The following MED13 variants were observed in gnomAD, a reference collection of about 807,000 sequenced individuals.
MED13 encodes the protein mediator complex subunit 13.
In MED13, 23 loss-of-function variants were observed where a neutral mutation model predicts 225.2. That is an observed-to-expected ratio of 0.10 (90% CI 0.07 to 0.14). The LOEUF (loss-of-function observed/expected upper bound fraction) is 0.14. Ranked by LOEUF, MED13 falls within the 10% of genes least tolerant of loss-of-function variation. The pLI is 1.00. For missense variants in MED13, 2,197 were observed against 2,594.5 expected (o/e 0.85, Z 3.33); for synonymous variants, 942 against 889.2 (o/e 1.06, Z -1.06).
chr17:61,966,886 C>G (rs2143381359), intron 18 of MED13, among the ~76,000 whole-genome samples: 1 of 151,182 alleles, frequency 6.6e-6, no homozygotes, highest in South Asian at 2.1e-4. Context: ...AATTTTTTTT[C>G]AAAATTAAAA....
intron 2 of MED13, among the ~76,000 whole-genome samples, chr17:62,054,414 A>G (rs1020005997): frequency 2.0e-5 from 3 of 152,260 alleles, no homozygotes; most frequent in African/African-American, 7.2e-5. Context: ...GTCTAATATT[A>G]ATCATAAATA....
chr17:61,978,881 C>T (rs1163705276), intron 16 of MED13, among the ~76,000 whole-genome samples: 2 of 152,118 alleles, frequency 1.3e-5, no homozygotes, highest in African/African-American at 4.8e-5. Context: ...AACTTAATCA[C>T]TGGTCCATGT....
chr17:62,016,896 A>C (rs889805625), intron 8 of MED13, among the ~76,000 whole-genome samples: 1 of 151,742 alleles, frequency 6.6e-6, no homozygotes, highest in Non-Finnish European at 1.5e-5. Context: ...TGTAATCCCA[A>C]CTACTCAGGA....
At chr17:61,990,417 G>T (rs2080285733) in intron 11 of MED13, among the ~76,000 whole-genome samples, 1 of 151,918 alleles carries the variant, frequency 6.6e-6, no homozygotes. Context: ...GTTACAATAG[G>T]AGACTAACAA....
chr17:61,993,501 C>T (rs959870964), intron 10 of MED13, among the ~76,000 whole-genome samples: 1 of 151,914 alleles, frequency 6.6e-6, no homozygotes, highest in African/African-American at 2.4e-5. Context: ...AGCACCCAGC[C>T]GGTTCACGTT....
chr17:61,967,321 G>A (rs190920733), intron 18 of MED13, among the ~76,000 whole-genome samples: 7 of 152,150 alleles, frequency 4.6e-5, no homozygotes, highest in East Asian at 1.9e-4. Context: ...GGATTTTACC[G>A]GACTGATATT....
chr17:62,030,202 A>C (rs1047654052), intron 6 of MED13, 189 bp from the exon 7 acceptor site: 16 of 534,934 alleles, frequency 3.0e-5, no homozygotes, highest in Admixed American at 1.4e-4. Context: ...AATCAAGTAC[A>C]TCTCTGTAAC....
chr17:61,984,120 A>T, intron 15 of MED13, 51 bp downstream of exon 15: 2 of 1,286,948 alleles, frequency 1.6e-6, no homozygotes, highest in Non-Finnish European at 2.0e-6. Flanking sequence ...ATGAAAAAAA[A>T]ATTAAAGCTG....
intron 9 of MED13, among the ~76,000 whole-genome samples, chr17:61,998,113 ATTG>A (rs1261412331): frequency 7.2e-5 from 11 of 152,352 alleles, no homozygotes; most frequent in Admixed American, 2.0e-4. Flanking sequence ...AGAATTAAAA[ATTG>A]TTACTTTTAA....
At chr17:61,983,970 C>T (rs149533868) in intron 15 of MED13, among the ~76,000 whole-genome samples, 3 of 152,110 alleles carry the variant, frequency 2.0e-5, no homozygotes, top group African/African-American at 4.8e-5. Flanking sequence ...TCAAGGGATA[C>T]GCCTGCCTTG....
At chr17:62,002,310 C>T (rs2080402674) in intron 9 of MED13, among the ~76,000 whole-genome samples, 1 of 151,840 alleles carries the variant, frequency 6.6e-6, no homozygotes, top group Non-Finnish European at 1.5e-5. Flanking sequence ...GCCAACATGG[C>T]GAAACCCGTC....
chr17:61,956,775 G>A (rs536447959), intron 23 of MED13, among the ~76,000 whole-genome samples: 29 of 152,050 alleles, frequency 1.9e-4, no homozygotes, highest in Non-Finnish European at 3.4e-4. Flanking sequence ...TCCTGACCTC[G>A]TGATCTGCCT....
chr17:61,980,545 G>A (rs1426573150), intron 16 of MED13, among the ~76,000 whole-genome samples: 2 of 152,118 alleles, frequency 1.3e-5, no homozygotes, highest in Admixed American at 6.6e-5. Context: ...TATTATTGAT[G>A]CCTCATCTTT....
At chr17:62,031,881 G>A (rs2080760826) in intron 5 of MED13, among the ~76,000 whole-genome samples, 1 of 150,606 alleles carries the variant, frequency 6.6e-6, no homozygotes. Context: ...AGAGAGATTT[G>A]GAAAAAGGCA....
chr17:62,027,176 C>T (rs922000570), intron 8 of MED13, among the ~76,000 whole-genome samples: 6 of 152,152 alleles, frequency 3.9e-5, no homozygotes, highest in African/African-American at 1.4e-4. Context: ...TGTTACCTGG[C>T]TTAAACAATA....
At position 61,946,464 on chromosome 17, in the gene MED13, A is replaced by C; in HGVS notation, c.*4T>G. ...TTTTCTTGCACAGTTCCATCAAATG[A>C]AGATCACAGCATATTCATAATAAAG... is the stretch of plus-strand genomic sequence containing the variant. On this transcript the variant is annotated 3_prime_UTR_variant, in exon 30 of 30. Coordinates refer to ENST00000397786, the MANE Select transcript of MED13 (RefSeq NM_005121.3). 6.2e-7 allele frequency: 1 copy of C among 1,611,462 alleles called. No individual in the cohort carries two copies. The highest frequency in any genetic ancestry group is 1.3e-5 in the African/African-American group (1 of 74,856).
At chr17:62,064,623 C>T (rs1286501694) in intron 1 of MED13, among the ~76,000 whole-genome samples, 2 of 152,040 alleles carry the variant, frequency 1.3e-5, no homozygotes, top group Non-Finnish European at 2.9e-5. Flanking sequence ...TCTTAAGTCA[C>T]CCAAGAAAGA....
Position 61,965,121 on chromosome 17 carries a change from T to C in MED13, c.4729A>G (p.Asn1577Asp). Reference protein sequence around the residue: ...NAAGSMSTQANTVQSGQLGGQ... With the variant: ...NAAGSMSTQADTVQSGQLGGQ... ...CCTAGCTGACCACTCTGAACTGTAT[T>C]TGCTTGTGTAGACATGGATCCTGCA... Residue 1577 changes from asparagine to aspartate, a missense_variant, in exon 20 of 30, where the codon AAT becomes GAT. Physicochemically the swap from Asn to Asp is conservative, Grantham distance 23 (BLOSUM62 1). This residue lies in a region of MED13 where 457 missense variants were observed against 442.2 expected (regional missense o/e 1.03). Transcript: ENST00000397786. The C allele has an allele frequency of 6.2e-7, 1 of 1,614,188 alleles. No homozygotes were observed. The highest frequency in any genetic ancestry group is 8.5e-7 in the Non-Finnish European group (1 of 1,180,028).
At chr17:62,018,515 G>A (rs1387448584) in intron 8 of MED13, among the ~76,000 whole-genome samples, 1 of 152,128 alleles carries the variant, frequency 6.6e-6, no homozygotes, top group East Asian at 1.9e-4. Context: ...GACCAGGCTG[G>A]CCAACATGGT....
Sources: allele counts gnomAD v4.1 joint callset (sites outside exome capture counted in the v4.1 genomes callset), GRCh38; gene constraint gnomAD v4.1.1; regional missense constraint gnomAD v4.1.1; transcripts MANE v1.5; gene names NCBI Gene and HGNC (gene_info 2026-07-23, HGNC 2026-07-21).